ERI1: variants seen among roughly 807,000 people sequenced by gnomAD.
The protein encoded by ERI1 is 3'-5' exoribonuclease 1.
A neutral mutation model predicts 39.7 loss-of-function variants in ERI1; 39 were observed. The ratio of observed to expected loss-of-function variants is 0.98; its 90% CI spans 0.76 to 1.28. The LOEUF is 1.28. Among genes scored for constraint, ERI1 ranks in the 50% most tolerant of loss-of-function variants. ERI1 has a pLI of 0.00. For missense variants in ERI1, 581 were observed against 416.9 expected, an observed-to-expected ratio of 1.39 and a Z score of -3.43; for synonymous variants, 204 against 149.6, an observed-to-expected ratio of 1.36 and a Z score of -2.65.
downstream of ERI1, among the ~76,000 whole-genome samples, chr8:9,033,505 A>G (rs1021866540): frequency 1.3e-5 from 2 of 152,220 alleles, no homozygotes; most frequent in African/African-American, 2.4e-5. Context: ...TATGTAATGC[A>G]ATATATAAGT....
chr8:9,087,162 C>T (rs530984237), intron 3 of ERI1, among the ~76,000 whole-genome samples: 1 of 151,996 alleles, frequency 6.6e-6, no homozygotes, highest in Non-Finnish European at 1.5e-5. Context: ...TTAAGCCCCA[C>T]ATGCATCAGG....
intron 3 of ERI1, among the ~76,000 whole-genome samples, chr8:9,063,220 G>A (rs1490461487): frequency 1.3e-5 from 2 of 152,172 alleles, no homozygotes; most frequent in Admixed American, 6.5e-5. Context: ...GTCTAGGGCT[G>A]TAAAGCGTCT....
At chr8:9,018,961 C>G (rs1012348783) in intron 5 of ERI1, among the ~76,000 whole-genome samples, 3 of 152,116 alleles carry the variant, frequency 2.0e-5, no homozygotes, top group African/African-American at 7.2e-5. Flanking sequence ...ATGGTATATA[C>G]CATTCATGTT....
rs753957807 is a variant in ERI1, at chr8:9,003,297, TCCTC to T, written c.108+127_108+130del. ...TGTGCGCCCTTGGACCCCAGCCTCTTCCTCGGTGCCCAGCTCCCTGGCTTTATCC... is the reference window on the plus strand; with the variant it reads ...TGTGCGCCCTTGGACCCCAGCCTCTTGGTGCCCAGCTCCCTGGCTTTATCC... On this transcript the variant is annotated intron_variant, in intron 1 of 6. Transcript: ENST00000250263. The T allele has an allele frequency of 1.2e-3, 621 of 507,576 alleles. 1 individual carries two copies. Among genetic ancestry groups the T allele is most frequent in the Non-Finnish European group, 1.7e-3 (560 of 326,876 alleles). The allele number at this position is 507,576 out of a possible 1,614,324, so 31.4% of individuals were successfully genotyped here. A position where few individuals can be genotyped will look rare whatever the true frequency, so the allele number is the denominator to read the frequency against.
intron 2 of ERI1, among the ~76,000 whole-genome samples, 200 bp from the exon 3 acceptor site, chr8:9,011,342 T>C (rs1349241977): frequency 6.6e-6 from 1 of 152,208 alleles, no homozygotes; most frequent in East Asian, 1.9e-4. Flanking sequence ...AGGAAAATGT[T>C]AATGTTGTAA....
At chr8:9,034,531 C>T (rs562582216), downstream of ERI1, among the ~76,000 whole-genome samples, 50 of 152,256 alleles carry the variant, frequency 3.3e-4, no homozygotes, top group African/African-American at 1.1e-3. Context: ...TAATCAGTGA[C>T]TTTTGATGTT....
At chr8:9,037,891 T>TA (rs33912518), downstream of ERI1, among the ~76,000 whole-genome samples, 17,240 of 145,606 alleles carry the variant, frequency 0.12, 1,152 homozygotes, top group Non-Finnish European at 0.14. Context: ...ATTGCTGATT[T>TA]AAAAAAAAAA....
intron 3 of ERI1, among the ~76,000 whole-genome samples, chr8:9,053,834 T>C (rs1160173443): frequency 6.6e-6 from 1 of 152,266 alleles, no homozygotes. Flanking sequence ...AAGAATTCTC[T>C]TCTGAAAAGC....
intron 3 of ERI1, among the ~76,000 whole-genome samples, chr8:9,057,663 G>C (rs1440664532): frequency 3.9e-5 from 6 of 152,016 alleles, no homozygotes; most frequent in African/African-American, 1.4e-4. Context: ...AGTGAGGAGA[G>C]GAAGAAAGTA....
At chr8:9,025,419 C>G (rs1207445677) in intron 6 of ERI1, among the ~76,000 whole-genome samples, 1 of 152,226 alleles carries the variant, frequency 6.6e-6, no homozygotes, top group Non-Finnish European at 1.5e-5. Flanking sequence ...TCAGCTGATT[C>G]ATGTGATGAA....
intron 3 of ERI1, among the ~76,000 whole-genome samples, chr8:9,044,809 G>C (rs1798127283): frequency 6.6e-6 from 1 of 152,070 alleles, no homozygotes; most frequent in Non-Finnish European, 1.5e-5. Flanking sequence ...TGCAGATAGA[G>C]ATTCCAAACC....
chr8:9,073,145 C>T (rs932197369), intron 3 of ERI1, among the ~76,000 whole-genome samples: 1 of 152,216 alleles, frequency 6.6e-6, no homozygotes, highest in Non-Finnish European at 1.5e-5. Flanking sequence ...CCTTCTCAGC[C>T]ATAAACTTTA....
chr8:9,017,469 A>G (rs1012061184), intron 4 of ERI1, among the ~76,000 whole-genome samples: 1 of 152,184 alleles, frequency 6.6e-6, no homozygotes, highest in Non-Finnish European at 1.5e-5. Context: ...CAGCATTTGT[A>G]TATATCTTTA....
chr8:9,003,392 AC>A (rs1815588212), intron 1 of ERI1, among the ~76,000 whole-genome samples: 1 of 152,266 alleles, frequency 6.6e-6, no homozygotes, highest in Middle Eastern at 3.4e-3. Flanking sequence ...AATCGTCAAG[AC>A]CAGTTCTGTC....
rs781044554 is a variant in ERI1 at position 9,002,924 on chromosome 8, G to C, written c.-140G>C. 1 of 536,278 alleles carries C rather than the reference G, an allele frequency of 1.9e-6. No homozygotes were observed. 33.2% of individuals were successfully genotyped at this position (536,278 alleles called of 1,614,324 possible). ...ACGCTCCCGGAAGTGGGAGGTGGCC[G>C]CTGGAGTTTGTGTGGCCGCCGCCGC... is the stretch of plus-strand genomic sequence containing the variant. On this transcript the variant is annotated 5_prime_UTR_variant, in exon 1 of 7. Transcript: ENST00000250263.
intron 3 of ERI1, 34 bp from the exon 4 acceptor site, chr8:9,016,288 T>G: frequency 7.2e-7 from 1 of 1,392,576 alleles, no homozygotes; most frequent in South Asian, 1.2e-5. Flanking sequence ...TTAACTCATA[T>G]AAATTACTTT....
At chr8:9,040,904 A>C (rs1013022263) in intron 3 of ERI1, among the ~76,000 whole-genome samples, 3 of 152,096 alleles carry the variant, frequency 2.0e-5, no homozygotes, top group South Asian at 2.1e-4. Flanking sequence ...GAGTTCCTTT[A>C]GATAAAGTCA....
intron 4 of ERI1, 93 bp from the exon 5 acceptor site, chr8:9,018,204 T>A: frequency 1.6e-6 from 1 of 621,362 alleles, no homozygotes; most frequent in Non-Finnish European, 2.9e-6. Flanking sequence ...TTTCTCATAC[T>A]GTTTCTTCCC....
intron 6 of ERI1, among the ~76,000 whole-genome samples, chr8:9,026,383 G>A (rs1236148112): frequency 3.3e-5 from 5 of 152,146 alleles, no homozygotes; most frequent in African/African-American, 9.7e-5. Flanking sequence ...CTCTGTGCCT[G>A]TTGAACTTCC....
Sources: allele counts gnomAD v4.1 joint callset (sites outside exome capture counted in the v4.1 genomes callset), GRCh38; gene constraint gnomAD v4.1.1; transcripts MANE v1.5; gene names NCBI Gene and HGNC (gene_info 2026-07-23, HGNC 2026-07-21).